Variants in NIPBL observed in about 807,000 individuals in gnomAD.
NIPBL encodes the protein NIPBL cohesin loading factor.
Under a neutral mutation model 321.8 loss-of-function variants are expected in NIPBL, and 19 were observed. That is an observed-to-expected ratio of 0.06 (90% CI 0.04 to 0.09). The LOEUF (loss-of-function observed/expected upper bound fraction) is 0.09, where lower values mean the gene tolerates loss of function less well. Ranked by LOEUF, NIPBL falls within the 10% of genes least tolerant of loss-of-function variation. The pLI, the probability that NIPBL is intolerant of heterozygous loss-of-function variation, is 1.00. For missense variants in NIPBL, 2,210 were observed against 3,327.0 expected, an observed-to-expected ratio of 0.66 and a Z score of 8.26; for synonymous variants, 1,106 against 1,114.1, an observed-to-expected ratio of 0.99 and a Z score of 0.14.
Position 36,943,744 on chromosome 5 carries a change from C to T in NIPBL, c.-79-9874C>T, listed in dbSNP as rs773487942. ...ACTGAATGAGTTCAACAGTAGAGTA[C>T]GGAGAGGAAGATAAAAAGAACCAGA... On this transcript the variant is annotated intron_variant, in intron 1 of 46. Transcript: ENST00000282516. Among the ~76,000 whole-genome samples, 45 of 151,992 alleles carry T rather than the reference C, an allele frequency of 3.0e-4. 1 individual carries two copies. In the Middle Eastern group the frequency reaches 0.02, roughly 69 times the overall value.
Position 37,003,342 on chromosome 5 carries a change from A to G in NIPBL, c.3850A>G (p.Asn1284Asp). Residue 1284 changes from asparagine to aspartate, a missense_variant, in exon 16 of 47, where the codon AAT becomes GAT. Physicochemically the swap from Asn to Asp is conservative, Grantham distance 23. Around this residue, in one of 14 missense-constraint regions of NIPBL, gnomAD observed 381 missense variants for 642.3 expected, o/e 0.59. Transcript: ENST00000282516. ...QDGSKLSTLL[N>D]HNNDTEEEER... ...TGGGTCAAAGCTTTCCACTTTGTTA[A>G]ATCATGTAAGTTTAAGATCCATACT... 6.3e-7 allele frequency: 1 copy of G among 1,581,276 alleles called. No individual in the cohort carries two copies. Among genetic ancestry groups the G allele is most frequent in the Non-Finnish European group, 8.7e-7 (1 of 1,150,996 alleles).
intron 6 of NIPBL, among the ~76,000 whole-genome samples, chr5:36,969,691 G>A (rs564715324): frequency 6.6e-6 from 1 of 152,226 alleles, no homozygotes; most frequent in Admixed American, 6.5e-5. Context: ...TAAAGGAGGG[G>A]ATCTGAATGG....
chr5:36,908,320 T>G (rs1179019656), intron 1 of NIPBL, among the ~76,000 whole-genome samples: 1 of 152,204 alleles, frequency 6.6e-6, no homozygotes, highest in African/African-American at 2.4e-5. Context: ...ACTTTACATA[T>G]GATAGCCCTC....
intron 1 of NIPBL, among the ~76,000 whole-genome samples, chr5:36,922,492 G>A (rs1446394653): frequency 6.6e-6 from 1 of 152,004 alleles, no homozygotes; most frequent in Non-Finnish European, 1.5e-5. Flanking sequence ...TTTTCTTTTG[G>A]CCATTGTCGA....
At chr5:36,991,162 A>T (rs949509246) in intron 10 of NIPBL, among the ~76,000 whole-genome samples, 17 of 152,112 alleles carry the variant, frequency 1.1e-4, no homozygotes, top group African/African-American at 4.1e-4. Flanking sequence ...ATCAATTTTT[A>T]AAAATTCTCT....
intron 2 of NIPBL, among the ~76,000 whole-genome samples, chr5:36,954,285 C>G (rs1740704594): frequency 1.3e-5 from 2 of 152,168 alleles, no homozygotes; most frequent in South Asian, 4.1e-4. Context: ...AATAAGGGAG[C>G]TAGGAGAAAG....
At position 36,880,199 on chromosome 5, in the gene NIPBL, C is replaced by T. The variant is rs550096685; in HGVS notation, c.-80+3021C>T. On this transcript the variant is annotated intron_variant, in intron 1 of 46. Transcript: ENST00000282516. Reference sequence around the variant, plus strand: ...CCGAAAAATGTATTTTCTAAGGCTTCTTCAACTAATTTCATATTTAATTTT... The same window carrying T: ...CCGAAAAATGTATTTTCTAAGGCTTTTTCAACTAATTTCATATTTAATTTT... 2.0e-5 allele frequency among the ~76,000 whole-genome samples: 3 copies of T among 152,078 alleles called. No individual in the cohort carries two copies. The East Asian group carries it at 5.8e-4, about 29-fold the overall frequency.
At chr5:36,919,072 C>A (rs138896447) in intron 1 of NIPBL, among the ~76,000 whole-genome samples, 4,087 of 152,028 alleles carry the variant, frequency 0.027, 89 homozygotes, top group Middle Eastern at 0.061. Context: ...CTCTTTTTCT[C>A]TTGATTGGAA....
chr5:36,904,021 T>C (rs755723250), intron 1 of NIPBL, among the ~76,000 whole-genome samples: 3 of 152,196 alleles, frequency 2.0e-5, no homozygotes, highest in Non-Finnish European at 4.4e-5. Context: ...GCCAGAATTA[T>C]ATGTGCTCTT....
At chr5:37,012,456 ATTTTTTTTT>A (rs763144789) in intron 21 of NIPBL, among the ~76,000 whole-genome samples, 7 of 107,210 alleles carry the variant, frequency 6.5e-5, no homozygotes, top group Non-Finnish European at 1.1e-4. Context: ...TCTTTCTCCA[ATTTTTTTTT>A]TTTTTTTTTT....
At position 37,014,698 on chromosome 5, in the gene NIPBL, G is replaced by A. The variant is rs377716907; in HGVS notation, c.4576G>A (p.Val1526Ile). The change falls in exon 22 of 47, where the codon GTC becomes ATC. Residue 1526 changes from valine to isoleucine, a missense_variant. Around this residue, in one of 14 missense-constraint regions of NIPBL, gnomAD observed 381 missense variants for 642.3 expected, o/e 0.59. Transcript: ENST00000282516. ...DSNKKIDQDV[V>I]ITNSYETAMR... is the part of the protein sequence containing the mutation. ...TTCATTCTAGATTGACCAGGATGTT[G>A]TCATTACTAACTCTTATGAAACAGC... 6.2e-7 allele frequency: 1 copy of A among 1,605,280 alleles called. No individual in the cohort carries two copies. The highest frequency in any genetic ancestry group is 1.3e-5 in the African/African-American group (1 of 74,618).
At chr5:36,888,089 G>T (rs906040916) in intron 1 of NIPBL, among the ~76,000 whole-genome samples, 2 of 152,114 alleles carry the variant, frequency 1.3e-5, no homozygotes, top group Non-Finnish European at 2.9e-5. Context: ...TTGATTCTGT[G>T]AGAGGTCCTG....
At chr5:36,932,956 T>C (rs1292337099) in intron 1 of NIPBL, among the ~76,000 whole-genome samples, 3 of 151,880 alleles carry the variant, frequency 2.0e-5, no homozygotes, top group African/African-American at 7.2e-5. Context: ...TAGGAGTACA[T>C]TGGAGTACAG....
intron 42 of NIPBL, among the ~76,000 whole-genome samples, chr5:37,055,280 A>G (rs1205396717): frequency 2.0e-5 from 3 of 151,504 alleles, no homozygotes; most frequent in Non-Finnish European, 2.9e-5. Context: ...GAACCTGGGC[A>G]GCAGAGATTG....
intron 1 of NIPBL, among the ~76,000 whole-genome samples, chr5:36,894,119 T>TA (rs1334626113): frequency 1.3e-5 from 2 of 152,348 alleles, no homozygotes; most frequent in South Asian, 4.1e-4. Context: ...GTTGCCTTTC[T>TA]ACTGATTTGA....
chr5:36,883,249 A>T (rs1745638328), intron 1 of NIPBL, among the ~76,000 whole-genome samples: 1 of 151,952 alleles, frequency 6.6e-6, no homozygotes, highest in South Asian at 2.1e-4. Flanking sequence ...TACATGTGTG[A>T]CATATCTCTT....
chr5:36,938,346 C>A (rs894727430), intron 1 of NIPBL, among the ~76,000 whole-genome samples: 17 of 151,594 alleles, frequency 1.1e-4, no homozygotes, highest in African/African-American at 3.6e-4. Context: ...ACACACACAC[C>A]CCCGACCACC....
At chr5:36,915,741 T>G (rs1748407148) in intron 1 of NIPBL, among the ~76,000 whole-genome samples, 1 of 152,176 alleles carries the variant, frequency 6.6e-6, no homozygotes. Context: ...GACCTTTGGT[T>G]TGACATGTAA....
At chr5:36,966,332 G>A (rs1742202184) in intron 6 of NIPBL, among the ~76,000 whole-genome samples, 3 of 152,000 alleles carry the variant, frequency 2.0e-5, no homozygotes, top group Admixed American at 1.3e-4. Flanking sequence ...ACTCTTTTCT[G>A]CTGGTGTTGT....
Sources: gnomAD v4.1 joint callset for allele counts (sites outside exome capture counted in the v4.1 genomes callset) on GRCh38, gnomAD v4.1.1 for gene constraint, gnomAD v4.1.1 regional missense constraint, MANE v1.5 for transcripts, NCBI Gene and HGNC (gene_info 2026-07-23, HGNC 2026-07-21) for gene names.